Variants in ANKEF1 observed in about 807,000 individuals in gnomAD.
ANKEF1 encodes ankyrin repeat and EF-hand domain-containing protein 1.
ANKEF1 carries 43 observed loss-of-function variants against 65.1 expected under a neutral mutation model. The ratio of observed to expected loss-of-function variants is 0.66; its 90% CI spans 0.52 to 0.85. ANKEF1 has a LOEUF of 0.85. Ranked by LOEUF, ANKEF1 falls within the 40% of genes least tolerant of loss-of-function variation. The pLI is 0.00. For missense variants in ANKEF1, 934 were observed against 952.9 expected (o/e 0.98, Z 0.26); for synonymous variants, 316 against 341.5 (o/e 0.93, Z 0.82).
intron 7 of ANKEF1, among the ~76,000 whole-genome samples, chr20:10,051,293 A>C (rs1194978597): frequency 6.6e-6 from 1 of 152,124 alleles, no homozygotes; most frequent in Non-Finnish European, 1.5e-5. Flanking sequence ...AAAATGTTAA[A>C]TAATACATGG....
rs200586932 is a variant in ANKEF1, at chr20:10,043,257, A to T, written c.482A>T (p.His161Leu). 7 of 1,614,206 alleles carry T rather than the reference A, an allele frequency of 4.3e-6. No homozygotes were observed. The highest frequency in any genetic ancestry group is 5.9e-6 in the Non-Finnish European group (7 of 1,180,022). ...PIFLRACEDA[H>L]DVKDVCLTFL... ...TTCCTTAGAGCTTGTGAAGATGCAC[A>T]TGATGTTAAAGATGTGTGCCTGACA... Residue 161 changes from histidine (H) to leucine (L), a missense_variant, in exon 4 of 11, where the codon CAT becomes CTT. Physicochemically the swap from His to Leu is moderately conservative, Grantham distance 99. Coordinates refer to ENST00000378392, the MANE Select transcript of ANKEF1 (RefSeq NM_022096.6).
chr20:10,043,518 C>G (rs959817009), intron 4 of ANKEF1, among the ~76,000 whole-genome samples, 197 bp downstream of exon 4: 1 of 151,768 alleles, frequency 6.6e-6, no homozygotes, highest in Admixed American at 6.6e-5. Context: ...TGTTTGGAAA[C>G]TTGGTATTTA....
At chr20:10,039,958 A>G (rs947020939) in intron 3 of ANKEF1, among the ~76,000 whole-genome samples, 1 of 152,228 alleles carries the variant, frequency 6.6e-6, no homozygotes, top group African/African-American at 2.4e-5. Flanking sequence ...ACAAATCACA[A>G]AGAAAAAAGA....
chr20:10,054,826 A>G (rs1985055218), intron 10 of ANKEF1, among the ~76,000 whole-genome samples: 1 of 152,108 alleles, frequency 6.6e-6, no homozygotes, highest in African/African-American at 2.4e-5. Flanking sequence ...TGAGATTTAC[A>G]TTTTCCTAGA....
intron 4 of ANKEF1, among the ~76,000 whole-genome samples, 167 bp downstream of exon 4, chr20:10,043,488 T>A (rs962959786): frequency 1.3e-5 from 2 of 152,170 alleles, no homozygotes; most frequent in Non-Finnish European, 2.9e-5. Context: ...GCTGTGATTC[T>A]ACAGTCTGTT....
chr20:10,051,077 A>G (rs1464700271), intron 7 of ANKEF1, among the ~76,000 whole-genome samples: 2 of 152,172 alleles, frequency 1.3e-5, no homozygotes, highest in East Asian at 3.9e-4. Flanking sequence ...ATGAGACTGT[A>G]GTGGGACTCA....
At position 10,055,856 on chromosome 20, in the gene ANKEF1, T is replaced by A; in HGVS notation, c.*196T>A. The A allele has an allele frequency of 1.7e-6, 1 of 577,820 alleles. No homozygotes were observed. The highest frequency in any genetic ancestry group is 3.0e-6 in the Non-Finnish European group (1 of 329,774). The allele number at this position is 577,820 out of a possible 1,614,324, so 35.8% of individuals were successfully genotyped here. ...GTATGTTATTTTGAAATGAATGGTA[T>A]GTCATTCTGGATAAATCCCCAAGCC... is the stretch of plus-strand genomic sequence containing the variant. On this transcript the variant is annotated 3_prime_UTR_variant, in exon 11 of 11. Coordinates refer to ENST00000378392, the MANE Select transcript of ANKEF1 (RefSeq NM_022096.6).
At chr20:10,045,792 T>A in intron 6 of ANKEF1, 95 bp downstream of exon 6, 1 of 1,264,108 alleles carries the variant, frequency 7.9e-7, no homozygotes, top group South Asian at 1.4e-5. Flanking sequence ...GTCAGTGGCT[T>A]ATTTTTTTCT....
At position 10,046,761 on chromosome 20, in the gene ANKEF1, A is replaced by G. The variant is rs116687957; in HGVS notation, c.820+1064A>G. Among the ~76,000 whole-genome samples, 1,238 of 152,310 alleles carry G rather than the reference A, an allele frequency of 8.1e-3. 21 individuals are homozygous for G. Among genetic ancestry groups the G allele is most frequent in the African/African-American group, 0.028 (1,178 of 41,564 alleles). On this transcript the variant is annotated intron_variant, in intron 6 of 10. Transcript: ENST00000378392. ...GTTCACCAACTCTATAATAGAGCAA[A>G]GAAAGTGTTTTATTTTTCTGTCTTT...
At chr20:10,036,209 A>G (rs946107605) in intron 2 of ANKEF1, among the ~76,000 whole-genome samples, 16 of 152,230 alleles carry the variant, frequency 1.1e-4, no homozygotes, top group Admixed American at 9.8e-4. Context: ...TACTGAATTC[A>G]TCACTGTAGC....
At chr20:10,043,064 C>T in intron 3 of ANKEF1, 58 bp from the exon 4 acceptor site, 1 of 1,522,780 alleles carries the variant, frequency 6.6e-7, no homozygotes, top group Non-Finnish European at 9.0e-7. Flanking sequence ...TTTTACTTTC[C>T]TTCCTGTCAA....
At position 10,044,557 on chromosome 20, in the gene ANKEF1, C is replaced by A. The variant is rs760500530; in HGVS notation, c.696+14C>A. 55 of 1,611,034 alleles carry A rather than the reference C, an allele frequency of 3.4e-5. No individual in the cohort carries two copies. Among genetic ancestry groups the A allele is most frequent in the Middle Eastern group, 3.3e-4 (2 of 6,050 alleles). Reference sequence around the variant, plus strand: ...GGCTTTTTCGATGTAATAATCTATTCTTTGCTTTAAAATTTGTTGCTAAAA... The same window carrying A: ...GGCTTTTTCGATGTAATAATCTATTATTTGCTTTAAAATTTGTTGCTAAAA... On this transcript the variant is annotated intron_variant, in intron 5 of 10. Coordinates refer to ENST00000378392, the MANE Select transcript of ANKEF1 (RefSeq NM_022096.6).
intron 7 of ANKEF1, among the ~76,000 whole-genome samples, chr20:10,051,100 A>G (rs935062787): frequency 9.2e-5 from 14 of 152,130 alleles, no homozygotes; most frequent in Non-Finnish European, 1.9e-4. Flanking sequence ...CCACAAGATT[A>G]GTTGAAGATT....
intron 6 of ANKEF1, among the ~76,000 whole-genome samples, chr20:10,046,361 TA>T (rs1196850457): frequency 6.6e-6 from 1 of 152,250 alleles, no homozygotes; most frequent in East Asian, 1.9e-4. Flanking sequence ...ATTTTTAGTT[TA>T]TTTTAAAAAA....
intron 6 of ANKEF1, among the ~76,000 whole-genome samples, chr20:10,047,179 A>G (rs570199880): frequency 1.3e-5 from 2 of 152,370 alleles, no homozygotes; most frequent in South Asian, 4.1e-4. Flanking sequence ...AAAGTCACAG[A>G]AAGCACATTG....
chr20:10,038,730 A>G (rs188323188), intron 3 of ANKEF1, 83 bp downstream of exon 3: 2 of 1,105,202 alleles, frequency 1.8e-6, no homozygotes, highest in East Asian at 5.2e-5. Flanking sequence ...TTTGTTTTCC[A>G]ACTTTAGAAG....
At position 10,044,543 on chromosome 20, in the gene ANKEF1, T is replaced by G; in HGVS notation, c.696T>G (p.Asp232Glu). Residue 232 changes from aspartate (D) to glutamate (E), a missense_variant and splice_region_variant, in exon 5 of 11, where the codon GAT becomes GAG. Transcript: ENST00000378392. ...AHFAAKGGFF[D>E]ILKLLFAYNG... ...TTGCTGCTAAAGGAGGCTTTTTCGA[T>G]GTAATAATCTATTCTTTGCTTTAAA... 6.2e-7 allele frequency: 1 copy of G among 1,613,556 alleles called. No individual in the cohort carries two copies. Among genetic ancestry groups the G allele is most frequent in the Non-Finnish European group, 8.5e-7 (1 of 1,179,864 alleles).
At chr20:10,051,103 T>A (rs1412435432) in intron 7 of ANKEF1, among the ~76,000 whole-genome samples, 4 of 152,076 alleles carry the variant, frequency 2.6e-5, no homozygotes, top group African/African-American at 9.7e-5. Context: ...CAAGATTAGT[T>A]GAAGATTAGA....
intron 3 of ANKEF1, among the ~76,000 whole-genome samples, chr20:10,041,727 T>C (rs2122230416): frequency 6.6e-6 from 1 of 152,318 alleles, no homozygotes; most frequent in African/African-American, 2.4e-5. Context: ...ATTGCTAAGG[T>C]GACTTAGCTT....
Sources: allele counts gnomAD v4.1 joint callset (sites outside exome capture counted in the v4.1 genomes callset), GRCh38; gene constraint gnomAD v4.1.1; transcripts MANE v1.5; gene names NCBI Gene and HGNC (gene_info 2026-07-23, HGNC 2026-07-21).